Variants in DAAM1 observed in about 807,000 individuals in gnomAD.
The protein encoded by DAAM1 is disheveled-associated activator of morphogenesis 1.
A neutral mutation model predicts 130.0 loss-of-function variants in DAAM1; 52 were observed. The ratio of observed to expected loss-of-function variants is 0.40; its 90% CI spans 0.32 to 0.50. The LOEUF is 0.50. DAAM1 is among the 20% of genes least tolerant of loss of function. DAAM1 has a pLI of 0.61. For synonymous variants in DAAM1, 452 were observed against 444.5 expected (o/e 1.02, Z -0.21); for missense variants, 1,134 against 1,303.8 (o/e 0.87, Z 2.01).
chr14:59,359,632 T>A (rs1029185046), intron 21 of DAAM1, 128 bp downstream of exon 21: 5 of 658,048 alleles, frequency 7.6e-6, no homozygotes, highest in Non-Finnish European at 1.3e-5. Context: ...GAAATAAAGT[T>A]TGAATCTCAT....
At position 59,288,792 on chromosome 14, in the gene DAAM1, A is replaced by G. The variant is rs541764090; in HGVS notation, c.184-2425A>G. Among the ~76,000 whole-genome samples, 255 of 150,042 alleles carry G rather than the reference A, an allele frequency of 1.7e-3. 1 individual carries two copies. The highest frequency in any genetic ancestry group is 3.7e-3 in the Admixed American group (56 of 15,110). ...GGGGGGCCTCAGGAAACTTACAATC[A>G]TGGCAGAAGGGGAAGCAAGCACATT... On this transcript the variant is annotated intron_variant, in intron 2 of 24. Transcript: ENST00000360909.
intron 1 of DAAM1, among the ~76,000 whole-genome samples, chr14:59,205,219 A>G (rs942530561): frequency 1.3e-5 from 2 of 152,186 alleles, no homozygotes; most frequent in East Asian, 1.9e-4. Context: ...GTCTTATACT[A>G]TCTGGTCACT....
chr14:59,290,940 G>A (rs1259335231), intron 2 of DAAM1, among the ~76,000 whole-genome samples: 1 of 152,140 alleles, frequency 6.6e-6, no homozygotes, highest in Non-Finnish European at 1.5e-5. Context: ...AGCTCAGGAT[G>A]GATAATTCTG....
intron 5 of DAAM1, among the ~76,000 whole-genome samples, chr14:59,321,456 C>T (rs999055665): frequency 2.0e-5 from 3 of 152,326 alleles, no homozygotes; most frequent in African/African-American, 7.2e-5. Flanking sequence ...TTTCTCAATA[C>T]AAGTATTACT....
At chr14:59,321,033 G>A (rs1233733276) in intron 5 of DAAM1, among the ~76,000 whole-genome samples, 1 of 152,144 alleles carries the variant, frequency 6.6e-6, no homozygotes, top group Non-Finnish European at 1.5e-5. Flanking sequence ...CATTATTCAT[G>A]ATAGCCAAGA....
In DAAM1 at chr14:59,363,795, C is replaced by T; in HGVS notation, c.2826+13C>T. On this transcript the variant is annotated intron_variant, in intron 23 of 24. Transcript: ENST00000360909. ...AGCTAAAGACCTGGTAAGTTTCCCCCTTGTGCACTGAGTGTTGTTTGACCG... is the reference window on the plus strand; with the variant it reads ...AGCTAAAGACCTGGTAAGTTTCCCCTTTGTGCACTGAGTGTTGTTTGACCG... 1 of 1,612,914 alleles carries T rather than the reference C, an allele frequency of 6.2e-7. No homozygotes were observed. The highest frequency in any genetic ancestry group is 8.5e-7 in the Non-Finnish European group (1 of 1,179,808).
intron 20 of DAAM1, among the ~76,000 whole-genome samples, chr14:59,356,315 GT>G (rs1439698877): frequency 6.6e-6 from 1 of 152,204 alleles, no homozygotes; most frequent in African/African-American, 2.4e-5. Context: ...AATAAGCAAT[GT>G]GTTAATTTGT....
chr14:59,247,284 T>A (rs1254334329), intron 1 of DAAM1, among the ~76,000 whole-genome samples: 1 of 152,220 alleles, frequency 6.6e-6, no homozygotes, highest in Non-Finnish European at 1.5e-5. Flanking sequence ...CTGTTTTGAT[T>A]ACTGTACTTT....
chr14:59,321,009 G>A (rs377241538), intron 5 of DAAM1, among the ~76,000 whole-genome samples: 3 of 152,178 alleles, frequency 2.0e-5, no homozygotes, highest in Admixed American at 6.5e-5. Flanking sequence ...CATGTATGCA[G>A]ATGTTCATAT....
intron 1 of DAAM1, among the ~76,000 whole-genome samples, chr14:59,236,961 G>A (rs144496845): frequency 1.5e-3 from 233 of 152,242 alleles, no homozygotes; most frequent in African/African-American, 5.4e-3. Context: ...AGATCTCTGA[G>A]ACAACTACTC....
At chr14:59,330,369 G>A (rs985293566) in intron 12 of DAAM1, 132 bp from the exon 13 acceptor site, 2 of 816,058 alleles carry the variant, frequency 2.5e-6, no homozygotes, top group East Asian at 5.7e-5. Flanking sequence ...CTTTGATGGA[G>A]AAGAGGAATA....
chr14:59,352,460 G>A, intron 17 of DAAM1, 66 bp from the exon 18 acceptor site: 5 of 1,241,880 alleles, frequency 4.0e-6, no homozygotes, highest in Admixed American at 4.0e-5. Context: ...TAACTGAAAG[G>A]GTGAAAAATT....
Position 59,340,065 on chromosome 14 carries a change from T to G in DAAM1, c.1969-9T>G. The G allele has an allele frequency of 6.2e-7, 1 of 1,611,368 alleles. No homozygotes were observed. The highest frequency in any genetic ancestry group is 2.2e-5 in the East Asian group (1 of 44,824). Reference sequence around the variant, plus strand: ...GGACTTTGATGGATTTCTTTCATGCTCTTTACAGAAAGAAGCAGATGCCAT... The same window carrying G: ...GGACTTTGATGGATTTCTTTCATGCGCTTTACAGAAAGAAGCAGATGCCAT... On this transcript the variant is annotated splice_polypyrimidine_tract_variant and intron_variant, in intron 15 of 24. Coordinates refer to ENST00000360909, the MANE Select transcript of DAAM1 (RefSeq NM_001270520.2).
At chr14:59,276,814 A>G (rs1239911312) in intron 2 of DAAM1, among the ~76,000 whole-genome samples, 6 of 152,294 alleles carry the variant, frequency 3.9e-5, no homozygotes, top group Non-Finnish European at 4.4e-5. Context: ...CCCAAACACA[A>G]TCACATACAA....
rs751141772 is a variant in DAAM1, at chr14:59,198,207, C to CTT, written c.-38+9454_-38+9455dup. ...GCCTTTCTTTTCTTTTCTTTTCTTT[C>CTT]TTTTTTTTTTTTTTTTGAGACGTAG... On this transcript the variant is annotated intron_variant, in intron 1 of 24. Transcript: ENST00000360909. Among the ~76,000 whole-genome samples, 126 of 133,408 alleles carry CTT rather than the reference C, an allele frequency of 9.4e-4. 2 individuals carry two copies. The East Asian group carries it at 0.01, about 11-fold the overall frequency. The allele number at this position is 133,408 out of a possible 152,430, so 87.5% of individuals were successfully genotyped here.
intron 24 of DAAM1, among the ~76,000 whole-genome samples, chr14:59,368,404 A>G (rs1399678464): frequency 6.6e-6 from 1 of 152,090 alleles, no homozygotes; most frequent in East Asian, 1.9e-4. Flanking sequence ...AATATCATGC[A>G]GTTTACCTAG....
chr14:59,342,643 A>G (rs1451770538), intron 16 of DAAM1, among the ~76,000 whole-genome samples: 16 of 152,180 alleles, frequency 1.1e-4, no homozygotes, highest in Admixed American at 1.0e-3. Context: ...AGGACATACC[A>G]AAAGTTAAGA....
At chr14:59,211,608 T>C (rs1004422601) in intron 1 of DAAM1, among the ~76,000 whole-genome samples, 4 of 152,226 alleles carry the variant, frequency 2.6e-5, no homozygotes, top group African/African-American at 7.2e-5. Context: ...AAATGCCAGA[T>C]GATTGGACTC....
intron 2 of DAAM1, chr14:59,265,482 A>C (rs1882391755): frequency 6.6e-6 from 1 of 152,210 alleles, no homozygotes; most frequent in Non-Finnish European, 1.5e-5. Flanking sequence ...ATCCATTATG[A>C]AGAAGGTATA....
Sources: gnomAD v4.1 joint callset for allele counts (sites outside exome capture counted in the v4.1 genomes callset) on GRCh38, gnomAD v4.1.1 for gene constraint, MANE v1.5 for transcripts, NCBI Gene and HGNC (gene_info 2026-07-23, HGNC 2026-07-21) for gene names.